CYRIA: variants seen among roughly 807,000 people sequenced by gnomAD.
CYRIA encodes CYFIP-related Rac1 interactor A.
In CYRIA, 15 loss-of-function variants were observed where a neutral mutation model predicts 43.9. The ratio of observed to expected loss-of-function variants is 0.34; its 90% CI spans 0.23 to 0.53. The LOEUF is 0.53. CYRIA is among the 20% of genes least tolerant of loss of function. The pLI is 0.94. For synonymous variants in CYRIA, 117 were observed against 136.0 expected (o/e 0.86, Z 0.97); for missense variants, 236 against 394.2 (o/e 0.60, Z 3.40).
intron 1 of CYRIA, among the ~76,000 whole-genome samples, chr2:16,654,355 A>G (rs1670048007): frequency 6.6e-6 from 1 of 152,238 alleles, no homozygotes; most frequent in Non-Finnish European, 1.5e-5. Flanking sequence ...GAAATACCAT[A>G]TACTATTTGC....
chr2:16,571,754 A>G (rs1416885435), intron 3 of CYRIA, among the ~76,000 whole-genome samples: 1 of 152,210 alleles, frequency 6.6e-6, no homozygotes, highest in African/African-American at 2.4e-5. Flanking sequence ...GGATTCGCCA[A>G]AGCTGTAAAT....
In CYRIA at chr2:16,576,595, G is replaced by A. The variant is rs187812681; in HGVS notation, c.71-10828C>T. ...TCCTATGAATCCTGGAGCACAGGTC[G>A]TGTCCCTGCTACAGCATTTACCAAT... On this transcript the variant is annotated intron_variant, in intron 3 of 11. Coordinates refer to ENST00000381323, the MANE Select transcript of CYRIA (RefSeq NM_030797.4). Among the ~76,000 whole-genome samples the A allele has an allele frequency of 5.0e-3, 764 of 152,250 alleles. 13 individuals carry two copies. Among genetic ancestry groups the A allele is most frequent in the South Asian group, 0.042 (202 of 4,826 alleles).
Position 16,571,978 on chromosome 2 carries a change from T to C in CYRIA, c.71-6211A>G, listed in dbSNP as rs1667144070. ...TGTGACAGGGCCGGCATATTTACTC[T>C]TAGAGGACATTAGTCATCTTACACC... On this transcript the variant is annotated intron_variant, in intron 3 of 11. Coordinates refer to ENST00000381323, the MANE Select transcript of CYRIA (RefSeq NM_030797.4). Among the ~76,000 whole-genome samples, 4 of 152,230 alleles carry C rather than the reference T, an allele frequency of 2.6e-5. No individual in the cohort carries two copies. In the South Asian group the frequency reaches 8.3e-4, roughly 31 times the overall value.
At chr2:16,631,540 A>T (rs1434900817) in intron 1 of CYRIA, among the ~76,000 whole-genome samples, 1 of 152,216 alleles carries the variant, frequency 6.6e-6, no homozygotes, top group African/African-American at 2.4e-5. Context: ...GGCTGTAGAA[A>T]GAGCCTGGGG....
chr2:16,622,118 G>C (rs1034831469), intron 2 of CYRIA, among the ~76,000 whole-genome samples: 16 of 152,220 alleles, frequency 1.1e-4, no homozygotes, highest in Non-Finnish European at 1.9e-4. Context: ...CTGTCTTGCT[G>C]AGTGCCAGGC....
chr2:16,623,026 A>G (rs1669046814), intron 2 of CYRIA: 1 of 152,202 alleles, frequency 6.6e-6, no homozygotes, highest in African/African-American at 2.4e-5. Context: ...GAGCTTCAAG[A>G]CAGGATAGCA....
At chr2:16,576,170 C>T (rs1220495326) in intron 3 of CYRIA, among the ~76,000 whole-genome samples, 1 of 152,140 alleles carries the variant, frequency 6.6e-6, no homozygotes, top group African/African-American at 2.4e-5. Flanking sequence ...CGATATAGTT[C>T]CTGTCCTCAA....
intron 1 of CYRIA, among the ~76,000 whole-genome samples, chr2:16,637,568 A>T (rs1201894326): frequency 4.6e-5 from 7 of 152,188 alleles, no homozygotes; most frequent in African/African-American, 1.7e-4. Context: ...CTGTTATTTA[A>T]GTACTCCAGT....
intron 3 of CYRIA, among the ~76,000 whole-genome samples, 185 bp from the exon 4 acceptor site, chr2:16,565,952 C>T (rs2103419148): frequency 6.6e-6 from 1 of 152,252 alleles, no homozygotes; most frequent in South Asian, 2.1e-4. Flanking sequence ...CTGCCCATTA[C>T]TCAGTTTAAA....
At chr2:16,608,819 A>C (rs1183563288) in intron 2 of CYRIA, among the ~76,000 whole-genome samples, 1 of 152,194 alleles carries the variant, frequency 6.6e-6, no homozygotes, top group Non-Finnish European at 1.5e-5. Flanking sequence ...TAAATCCTGC[A>C]CTGTTGCTTT....
chr2:16,593,586 C>T (rs1292808166), intron 2 of CYRIA, among the ~76,000 whole-genome samples: 1 of 151,914 alleles, frequency 6.6e-6, no homozygotes, highest in Non-Finnish European at 1.5e-5. Flanking sequence ...ATTTTCAATG[C>T]AAAATTCCCG....
chr2:16,577,454 A>G (rs1420828090), intron 3 of CYRIA, among the ~76,000 whole-genome samples: 3 of 152,218 alleles, frequency 2.0e-5, no homozygotes, highest in African/African-American at 7.2e-5. Flanking sequence ...ATACTCTACA[A>G]AATCCTTGTT....
intron 3 of CYRIA, among the ~76,000 whole-genome samples, chr2:16,570,650 T>A (rs2103426778): frequency 6.6e-6 from 1 of 152,254 alleles, no homozygotes; most frequent in East Asian, 1.9e-4. Context: ...GTTACTAAAT[T>A]TAAGCTATCA....
At chr2:16,635,068 A>T (rs1669453581) in intron 1 of CYRIA, among the ~76,000 whole-genome samples, 1 of 152,186 alleles carries the variant, frequency 6.6e-6, no homozygotes, top group Admixed American at 6.5e-5. Context: ...AGTTTCCTTA[A>T]CTGTAAAGGA....
chr2:16,621,997 T>C (rs1434197877), intron 2 of CYRIA, among the ~76,000 whole-genome samples: 1 of 152,180 alleles, frequency 6.6e-6, no homozygotes, highest in Non-Finnish European at 1.5e-5. Context: ...ACTGCATGGT[T>C]CATGTTCCAT....
intron 3 of CYRIA, among the ~76,000 whole-genome samples, chr2:16,582,835 C>A (rs1422071826): frequency 6.6e-6 from 1 of 152,106 alleles, no homozygotes; most frequent in Non-Finnish European, 1.5e-5. Context: ...TGTACAAATT[C>A]TTGTGTGGAC....
intron 3 of CYRIA, among the ~76,000 whole-genome samples, chr2:16,566,789 A>G (rs1419478623): frequency 6.6e-6 from 1 of 152,176 alleles, no homozygotes; most frequent in African/African-American, 2.4e-5. Context: ...GTGGAGAGGT[A>G]GTAAAGATTG....
intron 2 of CYRIA, among the ~76,000 whole-genome samples, chr2:16,617,627 T>C (rs767649984): frequency 1.3e-5 from 2 of 152,248 alleles, no homozygotes; most frequent in Non-Finnish European, 2.9e-5. Flanking sequence ...CCTTTCACTC[T>C]GTGAGCCAGA....
At chr2:16,657,083 A>G (rs1348048412) in intron 1 of CYRIA, among the ~76,000 whole-genome samples, 1 of 152,236 alleles carries the variant, frequency 6.6e-6, no homozygotes, top group African/African-American at 2.4e-5. Context: ...TTGACGTCCT[A>G]GCCTCCATGT....
Sources: gnomAD v4.1 joint callset for allele counts (sites outside exome capture counted in the v4.1 genomes callset) on GRCh38, gnomAD v4.1.1 for gene constraint, MANE v1.5 for transcripts, NCBI Gene and HGNC (gene_info 2026-07-23, HGNC 2026-07-21) for gene names.